Variants in ZFAND3 observed in about 807,000 individuals in gnomAD.
The protein encoded by ZFAND3 is zinc finger AN1-type containing 3, also known as AN1-type zinc finger protein 3.
ZFAND3 carries 10 observed loss-of-function variants against 29.6 expected under a neutral mutation model. The observed-to-expected ratio is 0.34, with a 90% CI of 0.21 to 0.57. The LOEUF (loss-of-function observed/expected upper bound fraction) is 0.57, where lower values mean the gene tolerates loss of function less well. Ranked by LOEUF, ZFAND3 falls within the 20% of genes least tolerant of loss-of-function variation. The pLI, the probability that ZFAND3 is intolerant of heterozygous loss-of-function variation, is 0.86. For missense variants in ZFAND3, 230 were observed against 304.5 expected (o/e 0.76, Z 1.82); for synonymous variants, 128 against 112.6 (o/e 1.14, Z -0.87).
At chr6:38,078,881 A>C (rs1020647339) in intron 3 of ZFAND3, among the ~76,000 whole-genome samples, 1 of 152,184 alleles carries the variant, frequency 6.6e-6, no homozygotes, top group African/African-American at 2.4e-5. Context: ...ATGGGGACTT[A>C]CGCCAGCCAC....
intron 1 of ZFAND3, among the ~76,000 whole-genome samples, chr6:37,853,357 T>TA (rs1201810233): frequency 2.3e-5 from 3 of 132,690 alleles, no homozygotes; most frequent in Non-Finnish European, 4.6e-5. Flanking sequence ...TGTTGAAAGA[T>TA]ACCAAGACAA....
chr6:38,024,998 C>A (rs1246610010), intron 2 of ZFAND3, among the ~76,000 whole-genome samples: 1 of 152,116 alleles, frequency 6.6e-6, no homozygotes, highest in Non-Finnish European at 1.5e-5. Flanking sequence ...ATGTATTGTT[C>A]ATTATTTCTC....
At chr6:38,105,897 A>G (rs1437200372) in intron 4 of ZFAND3, among the ~76,000 whole-genome samples, 1 of 152,192 alleles carries the variant, frequency 6.6e-6, no homozygotes, top group African/African-American at 2.4e-5. Flanking sequence ...AATAAGGCAA[A>G]TAAATATCAC....
intron 5 of ZFAND3, among the ~76,000 whole-genome samples, chr6:38,146,158 C>G (rs1014534699): frequency 6.2e-5 from 8 of 129,566 alleles, no homozygotes; most frequent in African/African-American, 2.4e-4. Flanking sequence ...ATTCCTGTTC[C>G]ATGTGCCCCC....
chr6:37,992,212 C>G (rs1561958647), intron 2 of ZFAND3, among the ~76,000 whole-genome samples: 2 of 152,226 alleles, frequency 1.3e-5, no homozygotes, highest in East Asian at 3.9e-4. Context: ...ATTTCCTATG[C>G]TTACAAAAAA....
chr6:37,960,728 A>C (rs1392369098), intron 2 of ZFAND3, among the ~76,000 whole-genome samples: 1 of 152,154 alleles, frequency 6.6e-6, no homozygotes, highest in African/African-American at 2.4e-5. Context: ...CTCATCTCCA[A>C]GTTAAATGAC....
chr6:38,144,213 TATATAATATATATATA>T (rs1766046551), intron 5 of ZFAND3, among the ~76,000 whole-genome samples: 1 of 55,356 alleles, frequency 1.8e-5, no homozygotes, highest in African/African-American at 1.3e-4. Flanking sequence ...ATATATATAA[TATATAATATATATATA>T]TATTTTTTTT....
At chr6:38,006,346 T>G (rs1763047968) in intron 2 of ZFAND3, among the ~76,000 whole-genome samples, 2 of 152,336 alleles carry the variant, frequency 1.3e-5, no homozygotes, top group South Asian at 4.1e-4. Flanking sequence ...CACACTAATT[T>G]TATTCACACT....
intron 2 of ZFAND3, among the ~76,000 whole-genome samples, chr6:37,971,357 A>G (rs1026448552): frequency 2.0e-5 from 3 of 152,106 alleles, no homozygotes; most frequent in Admixed American, 1.3e-4. Context: ...CCAGTGTCTC[A>G]CTAGTTGAGA....
At chr6:37,899,035 A>T (rs898135802) in intron 1 of ZFAND3, among the ~76,000 whole-genome samples, 1 of 152,092 alleles carries the variant, frequency 6.6e-6, no homozygotes, top group African/African-American at 2.4e-5. Flanking sequence ...AGCCGGTACT[A>T]CAGGCGCCCG....
intron 3 of ZFAND3, among the ~76,000 whole-genome samples, chr6:38,080,709 A>G (rs1229281986): frequency 6.6e-6 from 1 of 152,132 alleles, no homozygotes; most frequent in East Asian, 1.9e-4. Context: ...AGTTAACAAA[A>G]ACAAAGAACC....
intron 2 of ZFAND3, among the ~76,000 whole-genome samples, chr6:38,042,890 A>T (rs570147362): frequency 6.6e-6 from 1 of 152,222 alleles, no homozygotes; most frequent in East Asian, 1.9e-4. Flanking sequence ...TCCCTTTTCA[A>T]ATCAGACATT....
intron 3 of ZFAND3, among the ~76,000 whole-genome samples, chr6:38,065,742 G>A (rs1764333855): frequency 6.6e-6 from 1 of 152,146 alleles, no homozygotes; most frequent in Non-Finnish European, 1.5e-5. Context: ...GTCACTATAA[G>A]ATATTGTCAC....
chr6:38,132,654 C>G (rs1765764727), intron 5 of ZFAND3, among the ~76,000 whole-genome samples: 3 of 152,218 alleles, frequency 2.0e-5, no homozygotes, highest in Admixed American at 6.5e-5. Context: ...CATCTGGTGC[C>G]AGTCCAGACC....
Position 38,008,969 on chromosome 6 carries a change from C to T in ZFAND3, c.113-52624C>T, listed in dbSNP as rs1229011375. On this transcript the variant is annotated intron_variant, in intron 2 of 5. Transcript: ENST00000287218. The stretch of plus-strand genomic sequence containing the variant: ...ATTAATCCTTTGGTAATTAAGAATC[C>T]CTTCAAAGTTTGCTTGTGAGCATGT... Among the ~76,000 whole-genome samples, 3 of 152,024 alleles carry T rather than the reference C, an allele frequency of 2.0e-5. No homozygotes were observed. In the East Asian group the frequency reaches 5.8e-4, roughly 29 times the overall value.
intron 2 of ZFAND3, among the ~76,000 whole-genome samples, chr6:38,053,245 G>GTTGTGAAGAGACCATTGAAGGTTGTGA (rs1764064379): frequency 6.6e-6 from 1 of 151,820 alleles, no homozygotes; most frequent in Non-Finnish European, 1.5e-5. Context: ...TGAAGGCAAT[G>GTTGTGAAGAGACCATTGAAGGTTGTGA]AGAGACCATT....
chr6:38,119,369 C>A (rs1028089037), intron 5 of ZFAND3, among the ~76,000 whole-genome samples: 1 of 152,146 alleles, frequency 6.6e-6, no homozygotes, highest in African/African-American at 2.4e-5. Context: ...AGTGAAGACT[C>A]AGGAAGGTAG....
chr6:38,077,665 G>A lies in ZFAND3; in HGVS notation c.296-4727G>A, dbSNP rs139067540. 5.4e-4 allele frequency among the ~76,000 whole-genome samples: 82 copies of A among 152,240 alleles called. 3 individuals carry two copies. In the East Asian group the frequency reaches 0.016, roughly 29 times the overall value. ...CACATGATTAACTGCAGCAAGTGAG[G>A]GCTAGTGGAACCAGAAGCCAAAAAT... On this transcript the variant is annotated intron_variant, in intron 3 of 5. Coordinates refer to ENST00000287218, the MANE Select transcript of ZFAND3 (RefSeq NM_021943.3).
intron 2 of ZFAND3, among the ~76,000 whole-genome samples, chr6:37,971,140 T>C (rs1469517080): frequency 2.6e-5 from 4 of 152,240 alleles, no homozygotes; most frequent in African/African-American, 9.6e-5. Flanking sequence ...TTTTTTAGTC[T>C]CCATTCTCTG....
Sources: allele counts gnomAD v4.1 joint callset (sites outside exome capture counted in the v4.1 genomes callset), GRCh38; gene constraint gnomAD v4.1.1; transcripts MANE v1.5; gene names NCBI Gene and HGNC (gene_info 2026-07-23, HGNC 2026-07-21).